The following GTSE1 variants were observed in gnomAD, a reference collection of about 807,000 sequenced individuals.
The protein encoded by GTSE1 is G2 and S phase-expressed protein 1.
Under a neutral mutation model 60.5 loss-of-function variants are expected in GTSE1, and 52 were observed. The observed-to-expected ratio is 0.86, with a 90% CI of 0.69 to 1.08. The LOEUF (loss-of-function observed/expected upper bound fraction) is 1.08. GTSE1 is among the 50% of genes least tolerant of loss of function. The pLI is 0.00. For missense variants in GTSE1, 937 were observed against 961.8 expected, an observed-to-expected ratio of 0.97 and a Z score of 0.34; for synonymous variants, 368 against 386.5, an observed-to-expected ratio of 0.95 and a Z score of 0.56.
Position 46,329,554 on chromosome 22 carries a change from C to T in GTSE1, c.2123C>T (p.Pro708Leu), listed in dbSNP as rs748997173. 5.6e-6 allele frequency: 9 copies of T among 1,613,714 alleles called. No individual in the cohort carries two copies. The Admixed American group carries it at 6.7e-5, about 12-fold the overall frequency. ...AATAAAAATGTGGCCAAACCTTCAC[C>T]GGTGGTGGGACAGGTGAGAAGTGGC... Reference protein sequence around the residue: ...DMNKNVAKPSPVVGQLIDLSS... With the variant: ...DMNKNVAKPSLVVGQLIDLSS... Residue 708 changes from proline to leucine, a missense_variant, in exon 11 of 12, where the codon CCG becomes CTG. Coordinates refer to ENST00000454366, the MANE Select transcript of GTSE1 (RefSeq NM_016426.7). This position sits in a 1 kb window ranked among gnomAD's most constrained non-coding sequence, Gnocchi z 6.4.
In GTSE1 at chr22:46,329,453, T is replaced by C. The variant is rs113301628; in HGVS notation, c.2022T>C (p.Asp674=). 42,566 of 1,614,138 alleles carry C rather than the reference T, an allele frequency of 0.026. 666 individuals are homozygous for C. Among genetic ancestry groups the C allele is most frequent in the Non-Finnish European group, 0.03 (35,105 of 1,179,964 alleles). Reference sequence around the variant, plus strand: ...ACCTTCCTCTCATCGACTTCTGCGATACCCCAGAAGCACACGTGGCTGTAG... The same window carrying C: ...ACCTTCCTCTCATCGACTTCTGCGACACCCCAGAAGCACACGTGGCTGTAG... ...LIDLPLIDFC[D]TPEAHVAVGS... Residue 674 remains aspartate (D), a synonymous_variant, in exon 11 of 12, where the codon GAT becomes GAC. Transcript: ENST00000454366. This position sits in a 1 kb window ranked among gnomAD's most constrained non-coding sequence, Gnocchi z 6.4.
At chr22:46,307,274 A>G (rs1205691268) in intron 2 of GTSE1, among the ~76,000 whole-genome samples, 1 of 152,222 alleles carries the variant, frequency 6.6e-6, no homozygotes, top group African/African-American at 2.4e-5. Context: ...GCATTTGAGT[A>G]ATATTAAATT....
Position 46,321,493 on chromosome 22 carries a change from C to A in GTSE1, c.1433-1697C>A, listed in dbSNP as rs2077812352. ...GACTCAGCTGTGTGCGAGCTGCGCG[C>A]CTCTCCAGTGCTGGGGTGAACATGG... On this transcript the variant is annotated intron_variant, in intron 7 of 11. Transcript: ENST00000454366. The surrounding 1 kb of genome is among the most constrained non-coding windows in gnomAD (Gnocchi z 4.0). 6.6e-6 allele frequency among the ~76,000 whole-genome samples: 1 copy of A among 152,216 alleles called. No individual in the cohort carries two copies. The highest frequency in any genetic ancestry group is 1.5e-5 in the Non-Finnish European group (1 of 68,044).
In GTSE1 at chr22:46,313,921, C is replaced by G. The variant is rs1177570305; in HGVS notation, c.959C>G (p.Pro320Arg). 1 of 1,614,118 alleles carries G rather than the reference C, an allele frequency of 6.2e-7. No homozygotes were observed. Among genetic ancestry groups the G allele is most frequent in the Non-Finnish European group, 8.5e-7 (1 of 1,179,974 alleles). ...CTGAAGAAGACCCTGTTAAAAGCAC[C>G]CGGCTCTACCAGCAATCTCGCAAGG... ...LGLKKTLLKA[P>R]GSTSNLARKS... The change falls in exon 6 of 12, where the codon CCC (proline) becomes CGC (arginine). Residue 320 changes from proline (P) to arginine (R), a missense_variant. Pro to Arg is a moderately radical substitution (Grantham distance 103). Transcript: ENST00000454366. The surrounding 1 kb of genome is among the most constrained non-coding windows in gnomAD (Gnocchi z 4.4).
At position 46,320,683 on chromosome 22, in the gene GTSE1, T is replaced by C. The variant is rs1278509975; in HGVS notation, c.1433-2507T>C. 1.3e-5 allele frequency among the ~76,000 whole-genome samples: 2 copies of C among 152,196 alleles called. No homozygotes were observed. Among genetic ancestry groups the C allele is most frequent in the Non-Finnish European group, 2.9e-5 (2 of 68,030 alleles). ...CTTTGTAAAACAGTCCAGTTACAAATGTTGCTATTTACTATGAGTCCATGC... is the reference window on the plus strand; with the variant it reads ...CTTTGTAAAACAGTCCAGTTACAAACGTTGCTATTTACTATGAGTCCATGC... On this transcript the variant is annotated intron_variant, in intron 7 of 11. Transcript: ENST00000454366. This position sits in a 1 kb window ranked among gnomAD's most constrained non-coding sequence, Gnocchi z 7.1.
chr22:46,307,610 T>C (rs940313478), intron 2 of GTSE1, among the ~76,000 whole-genome samples: 3 of 152,016 alleles, frequency 2.0e-5, no homozygotes, highest in African/African-American at 7.2e-5. Context: ...TTCAAGCGAT[T>C]CTCCTGCCTC....
Position 46,313,808 on chromosome 22 carries a change from A to G in GTSE1, c.928-82A>G. 3.2e-6 allele frequency: 5 copies of G among 1,548,528 alleles called. No individual in the cohort carries two copies. The highest frequency in any genetic ancestry group is 4.4e-6 in the Non-Finnish European group (5 of 1,126,860). ...AGGCGTGAGCCACCGTGCCCAGCCAAAAACCCCTTACTTTTGCAGACACAA... is the reference window on the plus strand; with the variant it reads ...AGGCGTGAGCCACCGTGCCCAGCCAGAAACCCCTTACTTTTGCAGACACAA... On this transcript the variant is annotated intron_variant, in intron 5 of 11. Transcript: ENST00000454366. The surrounding 1 kb of genome is among the most constrained non-coding windows in gnomAD (Gnocchi z 4.4).
intron 6 of GTSE1, among the ~76,000 whole-genome samples, chr22:46,315,212 C>T (rs1207067298): frequency 6.6e-6 from 1 of 152,172 alleles, no homozygotes; most frequent in Non-Finnish European, 1.5e-5. Flanking sequence ...GCACCTGCCA[C>T]CACGCCCGGC....
rs762191649 is a variant in GTSE1 at position 46,323,271 on chromosome 22, C to T, written c.1505+9C>T. On this transcript the variant is annotated intron_variant, in intron 8 of 11. Coordinates refer to ENST00000454366, the MANE Select transcript of GTSE1 (RefSeq NM_016426.7). ...TGCACGTCAGTTGGCAGGTGAGTGA[C>T]GTTGGTCCGCTTCCTCTCTTTATTG... 76 of 1,603,054 alleles carry T rather than the reference C, an allele frequency of 4.7e-5. No individual in the cohort carries two copies. Among genetic ancestry groups the T allele is most frequent in the Non-Finnish European group, 6.0e-5 (70 of 1,170,194 alleles).
rs1294646417 is a variant in GTSE1 at position 46,313,287 on chromosome 22, C to T, written c.928-603C>T. The stretch of plus-strand genomic sequence containing the variant: ...TTGGCGGTAAACCAAGCTGTGTGTA[C>T]TGGCAGTTCTTGTTAGAACTGCCCA... On this transcript the variant is annotated intron_variant, in intron 5 of 11. Coordinates refer to ENST00000454366, the MANE Select transcript of GTSE1 (RefSeq NM_016426.7). The surrounding 1 kb of genome is among the most constrained non-coding windows in gnomAD (Gnocchi z 4.4). Among the ~76,000 whole-genome samples the T allele has an allele frequency of 6.6e-6, 1 of 152,008 alleles. No homozygotes were observed. Among genetic ancestry groups the T allele is most frequent in the Non-Finnish European group, 1.5e-5 (1 of 68,004 alleles).
Position 46,314,010 on chromosome 22 carries a change from A to C in GTSE1, c.1048A>C (p.Lys350Gln). 1 of 1,614,040 alleles carries C rather than the reference A, an allele frequency of 6.2e-7. No homozygotes were observed. Among genetic ancestry groups the C allele is most frequent in the Non-Finnish European group, 8.5e-7 (1 of 1,179,916 alleles). Residue 350 changes from lysine (K) to glutamine (Q), a missense_variant, in exon 6 of 12, where the codon AAA (lysine) becomes CAA (glutamine). Coordinates refer to ENST00000454366, the MANE Select transcript of GTSE1 (RefSeq NM_016426.7). The surrounding 1 kb of genome is among the most constrained non-coding windows in gnomAD (Gnocchi z 7.1). ...TGCGTGCACATCCCCAGCAGTGGGC[A>C]AAGGTGAGGCAGCCGGCATCATGCT... ...SSACTSPAVG[K>Q]AKSSEFASIP...
At chr22:46,303,698 A>G (rs940285270) in intron 2 of GTSE1, among the ~76,000 whole-genome samples, 1 of 152,226 alleles carries the variant, frequency 6.6e-6, no homozygotes, top group Non-Finnish European at 1.5e-5. Context: ...TGTGCTATTC[A>G]TGAGCATTTC....
Position 46,320,070 on chromosome 22 carries a change from G to A in GTSE1, c.1433-3120G>A, listed in dbSNP as rs922211421. 2.0e-5 allele frequency among the ~76,000 whole-genome samples: 3 copies of A among 152,158 alleles called. No homozygotes were observed. Among genetic ancestry groups the A allele is most frequent in the Non-Finnish European group, 4.4e-5 (3 of 68,026 alleles). On this transcript the variant is annotated intron_variant, in intron 7 of 11. Transcript: ENST00000454366. This position sits in a 1 kb window ranked among gnomAD's most constrained non-coding sequence, Gnocchi z 7.1. ...AGGGACACCCTACGGCCCAGGTCATGTGGAGGTGTGTTCAGTAGTGTTTGC... is the reference window on the plus strand; with the variant it reads ...AGGGACACCCTACGGCCCAGGTCATATGGAGGTGTGTTCAGTAGTGTTTGC...
Position 46,329,158 on chromosome 22 carries a change from G to C in GTSE1, c.1927-200G>C. ...GGCAGGAGCTGGTGGCTGCTGGTGA[G>C]CGGGTATGGACAGGGAGGTGGGCAA... is the stretch of plus-strand genomic sequence containing the variant. On this transcript the variant is annotated intron_variant, in intron 10 of 11. Coordinates refer to ENST00000454366, the MANE Select transcript of GTSE1 (RefSeq NM_016426.7). This position sits in a 1 kb window ranked among gnomAD's most constrained non-coding sequence, Gnocchi z 6.4. The C allele has an allele frequency of 1.6e-6, 1 of 639,852 alleles. No individual in the cohort carries two copies. 39.6% of individuals were successfully genotyped at this position (639,852 alleles called of 1,614,324 possible). A position where few individuals can be genotyped will look rare whatever the true frequency, so the allele number is the denominator to read the frequency against.
In GTSE1 at chr22:46,308,394, A is replaced by T. The variant is rs752399055; in HGVS notation, c.213A>T (p.Leu71Phe). Residue 71 changes from leucine (L) to phenylalanine (F), a missense_variant, in exon 4 of 12, where the codon TTA becomes TTT. Physicochemically the swap from Leu to Phe is conservative, Grantham distance 22. Transcript: ENST00000454366. ...GATGTATTGCTGCCAGCTTGGAATTAAATAATCCGGTTCCCGAACAGCCTC... is the reference window on the plus strand; with the variant it reads ...GATGTATTGCTGCCAGCTTGGAATTTAATAATCCGGTTCCCGAACAGCCTC... ...KERCIAASLELNNPVPEQPPL... is the reference protein window; with the variant it reads ...KERCIAASLEFNNPVPEQPPL... 4 of 1,614,090 alleles carry T rather than the reference A, an allele frequency of 2.5e-6. No individual in the cohort carries two copies. The South Asian group carries it at 4.4e-5, about 18-fold the overall frequency.
In GTSE1 at chr22:46,316,413, G is replaced by GT. The variant is rs2077781197; in HGVS notation, c.1432+2dup. The GT allele has an allele frequency of 1.3e-6, 2 of 1,506,628 alleles. No individual in the cohort carries two copies. Among genetic ancestry groups the GT allele is most frequent in the African/African-American group, 2.8e-5 (2 of 72,312 alleles). 93.3% of individuals were successfully genotyped at this position (1,506,628 alleles called of 1,614,324 possible). ...TTTAAAATTCCTAAGTTTTCTATTG[G>GT]TGAGTAATAGATACATTTTAATGTG... On this transcript the variant is annotated splice_donor_variant, in intron 7 of 11. Transcript: ENST00000454366. LOFTEE classifies it high-confidence loss of function. The surrounding 1 kb of genome is among the most constrained non-coding windows in gnomAD (Gnocchi z 5.0).
intron 2 of GTSE1, among the ~76,000 whole-genome samples, chr22:46,305,583 T>G (rs2077711013): frequency 6.6e-6 from 1 of 150,376 alleles, no homozygotes; most frequent in East Asian, 2.0e-4. Context: ...CACTCCAGCC[T>G]GAGTGACAGA....
intron 4 of GTSE1, 33 bp downstream of exon 4, chr22:46,308,976 G>A: frequency 6.3e-7 from 1 of 1,576,282 alleles, no homozygotes; most frequent in Non-Finnish European, 8.6e-7. Context: ...TGCCTGGGGA[G>A]CCCCCACTCC....
intron 9 of GTSE1, chr22:46,326,856 A>G: frequency 2.0e-6 from 1 of 510,408 alleles, no homozygotes; most frequent in Non-Finnish European, 3.4e-6. Flanking sequence ...ACAAGGAAAT[A>G]CTGCGTGTAA....
Sources: allele counts gnomAD v4.1 joint callset (sites outside exome capture counted in the v4.1 genomes callset), GRCh38; gene constraint gnomAD v4.1.1; non-coding constraint Gnocchi (gnomAD v3.1); transcripts MANE v1.5; gene names NCBI Gene and HGNC (gene_info 2026-07-23, HGNC 2026-07-21).